Variants in CABLES2 observed in about 807,000 individuals in gnomAD.
The protein encoded by CABLES2 is CDK5 and ABL1 enzyme substrate 2.
In CABLES2, 35 loss-of-function variants were observed where a neutral mutation model predicts 44.8. That is an observed-to-expected ratio of 0.78 (90% confidence interval 0.60 to 1.04). The LOEUF (loss-of-function observed/expected upper bound fraction) is 1.04. CABLES2 is among the 50% of genes least tolerant of loss of function. CABLES2 has a pLI of 0.00. For missense variants in CABLES2, 566 were observed against 615.7 expected (o/e 0.92, Z 0.85); for synonymous variants, 282 against 281.1 (o/e 1.00, Z -0.03).
chr20:62,395,269 A>G (rs1987996871), intron 3 of CABLES2, among the ~76,000 whole-genome samples: 1 of 152,006 alleles, frequency 6.6e-6, no homozygotes, highest in Admixed American at 6.5e-5. Context: ...ACGCCGCTGC[A>G]CGTGGGCAGG....
intron 4 of CABLES2, among the ~76,000 whole-genome samples, chr20:62,394,641 G>A (rs981532197): frequency 1.3e-5 from 2 of 152,132 alleles, no homozygotes; most frequent in Admixed American, 6.5e-5. Context: ...GCACGGATAC[G>A]ACTGCCTGGA....
At position 62,390,154 on chromosome 20, in the gene CABLES2, G is replaced by A. The variant is rs1247125244; in HGVS notation, c.*817C>T. On this transcript the variant is annotated 3_prime_UTR_variant, in exon 10 of 10. Transcript: ENST00000279101. ...AAATAAGAGCCGGCAAGCAGCAATTGTCCTGGAGGCCCAGAGTGTCTCCTG... is the reference window on the plus strand; with the variant it reads ...AAATAAGAGCCGGCAAGCAGCAATTATCCTGGAGGCCCAGAGTGTCTCCTG... 6.6e-6 allele frequency: 1 copy of A among 152,422 alleles called. No homozygotes were observed. The highest frequency in any genetic ancestry group is 1.5e-5 in the Non-Finnish European group (1 of 68,026). The allele number at this position is 152,422 out of a possible 1,614,324, so 9.4% of individuals were successfully genotyped here.
chr20:62,388,773 G>A lies in CABLES2; in HGVS notation c.*2198C>T, dbSNP rs189487904. 1.3e-5 allele frequency: 6 copies of A among 458,330 alleles called. No individual in the cohort carries two copies. Among genetic ancestry groups the A allele is most frequent in the Admixed American group, 8.0e-5 (2 of 25,138 alleles). 28.4% of individuals were successfully genotyped at this position (458,330 alleles called of 1,614,324 possible). ...CAACTGCTACCGGTGCGGAAGCAAC[G>A]CCAGGCCTGGTTCTGTATAGTCACA... On this transcript the variant is annotated 3_prime_UTR_variant, in exon 10 of 10. Coordinates refer to ENST00000279101, the MANE Select transcript of CABLES2 (RefSeq NM_031215.3).
intron 1 of CABLES2, among the ~76,000 whole-genome samples, chr20:62,406,292 T>C (rs8119392): frequency 0.18 from 27,659 of 151,810 alleles, 2,747 homozygotes; most frequent in Middle Eastern, 0.26. Context: ...GAGGTGGGCA[T>C]GGACGGTGTG....
At chr20:62,393,099 C>T (rs1051077959) in intron 6 of CABLES2, 76 bp from the exon 7 acceptor site, 33 of 1,362,338 alleles carry the variant, frequency 2.4e-5, no homozygotes, top group Non-Finnish European at 2.8e-5. Context: ...GGCAGGCCAG[C>T]GCCATGGCGG....
intron 5 of CABLES2, among the ~76,000 whole-genome samples, 186 bp from the exon 6 acceptor site, chr20:62,393,791 T>C (rs112900216): frequency 6.6e-6 from 1 of 152,192 alleles, no homozygotes; most frequent in African/African-American, 2.4e-5. Flanking sequence ...GCTAGAACAT[T>C]CCGGAACACT....
rs138669550 is a variant in CABLES2, at chr20:62,394,969, C to T, written c.573G>A (p.Ser191=). The change falls in exon 4 of 10, where the codon TCG becomes TCA. Residue 191 remains serine, a synonymous_variant. Transcript: ENST00000279101. ...GCAGGCCTTCCCCATAGGGCAGGAC[C>T]GAGAAGGCCGCGCACAGGGACCGCT... The part of the protein sequence containing the change: ...CAKRSLCAAF[S]VLPYGEGLRI... 1,885 of 1,612,948 alleles carry T rather than the reference C, an allele frequency of 1.2e-3. 22 individuals carry two copies. In the African/African-American group the frequency reaches 0.021, roughly 18 times the overall value.
rs201011734 is a variant in CABLES2, at chr20:62,393,531, C to T, written c.789G>A (p.Leu263=). 3.7e-4 allele frequency: 598 copies of T among 1,613,366 alleles called. No individual in the cohort carries two copies. The highest frequency in any genetic ancestry group is 1.3e-3 in the Admixed American group (77 of 59,924). ...VTHKSDSHGL[L]PTPRPSVPRT... Reference sequence around the variant, plus strand: ...GGGGGACACTGGGCCGAGGTGTGGGCAGCAGGCCATGGCTGTCACTCTTGT... The same window carrying T: ...GGGGGACACTGGGCCGAGGTGTGGGTAGCAGGCCATGGCTGTCACTCTTGT... Residue 263 remains leucine (L), a synonymous_variant, in exon 6 of 10, where the codon CTG becomes CTA. Coordinates refer to ENST00000279101, the MANE Select transcript of CABLES2 (RefSeq NM_031215.3).
In CABLES2 at chr20:62,407,246, C is replaced by T. The variant is rs1271585501; in HGVS notation, c.31G>A (p.Gly11Ser). 6 of 765,166 alleles carry T rather than the reference C, an allele frequency of 7.8e-6. No homozygotes were observed. The highest frequency in any genetic ancestry group is 6.5e-5 in the Admixed American group (1 of 15,410). The allele number at this position is 765,166 out of a possible 1,614,324, so 47.4% of individuals were successfully genotyped here. The change falls in exon 1 of 10, where the codon GGC (glycine) becomes AGC (serine). Residue 11 changes from glycine to serine, a missense_variant. Around this residue, in one of 2 missense-constraint regions of CABLES2, gnomAD observed 130 missense variants for 79.4 expected, o/e 1.64. Coordinates refer to ENST00000279101, the MANE Select transcript of CABLES2 (RefSeq NM_031215.3). MAAAAAGGAPGPAPGPAGPPP... is the reference protein window; with the variant it reads MAAAAAGGAPSPAPGPAGPPP... ...GGCCCGGCGGGGCCGGGGGCCGGGC[C>T]CGGGGCTCCACCGGCCGCGGCCGCG... is the stretch of plus-strand genomic sequence containing the variant.
intron 1 of CABLES2, among the ~76,000 whole-genome samples, chr20:62,406,180 G>C (rs1409137308): frequency 6.6e-6 from 1 of 152,236 alleles, no homozygotes; most frequent in African/African-American, 2.4e-5. Context: ...GGGTGCCAGA[G>C]ACCAGTGGCT....
At position 62,391,753 on chromosome 20, in the gene CABLES2, G is replaced by T. The variant is rs993933982; in HGVS notation, c.1092-300C>A. 3.9e-5 allele frequency among the ~76,000 whole-genome samples: 6 copies of T among 151,906 alleles called. No individual in the cohort carries two copies. The highest frequency in any genetic ancestry group is 8.8e-5 in the Non-Finnish European group (6 of 67,962). On this transcript the variant is annotated intron_variant, in intron 8 of 9. Transcript: ENST00000279101. This position sits in a 1 kb window ranked among gnomAD's most constrained non-coding sequence, Gnocchi z 5.7. ...AGGACAGGCTCTGCTCTCGGTGGGGGGCAGTGGTCTCTGATGAGGGGTGGT... is the reference window on the plus strand; with the variant it reads ...AGGACAGGCTCTGCTCTCGGTGGGGTGCAGTGGTCTCTGATGAGGGGTGGT...
At position 62,396,410 on chromosome 20, in the gene CABLES2, G is replaced by A; in HGVS notation, c.435-3C>T. The A allele has an allele frequency of 6.2e-7, 1 of 1,613,924 alleles. No individual in the cohort carries two copies. The highest frequency in any genetic ancestry group is 2.2e-5 in the East Asian group (1 of 44,860). The stretch of plus-strand genomic sequence containing the variant: ...GTGATCCAGATGTGTGTTTGGTTCT[G>A]CAAGGCAAAGGACACAGGTCACTCT... On this transcript the variant is annotated splice_polypyrimidine_tract_variant and splice_region_variant and intron_variant, in intron 2 of 9. Coordinates refer to ENST00000279101, the MANE Select transcript of CABLES2 (RefSeq NM_031215.3). The surrounding 1 kb of genome is among the most constrained non-coding windows in gnomAD (Gnocchi z 5.7).
intron 7 of CABLES2, 36 bp downstream of exon 7, chr20:62,392,884 G>A (rs1987945365): frequency 1.3e-6 from 2 of 1,577,388 alleles, no homozygotes; most frequent in Non-Finnish European, 8.7e-7. Context: ...CAGGTGTGCA[G>A]CTGCCTGCAC....
rs1988033217 is a variant in CABLES2 at position 62,396,993 on chromosome 20, C to T, written c.363-401G>A. ...GCTGCCTGAGACTGGTGCTGCCTGC[C>T]CCTCCCTGAAGCACAGCTGGGCATT... On this transcript the variant is annotated intron_variant, in intron 1 of 9. Transcript: ENST00000279101. This position sits in a 1 kb window ranked among gnomAD's most constrained non-coding sequence, Gnocchi z 5.7. 6.6e-6 allele frequency among the ~76,000 whole-genome samples: 1 copy of T among 152,190 alleles called. No individual in the cohort carries two copies. Among genetic ancestry groups the T allele is most frequent in the East Asian group, 1.9e-4 (1 of 5,180 alleles).
rs1420152344 is a variant in CABLES2, at chr20:62,398,076, G to GAGGTGGTGGTGATGGTGGTGGTGGCGA, written c.363-1485_363-1484insTCGCCACCACCACCATCACCACCACCT. Reference sequence around the variant, plus strand: ...GATGGCGATGGTGGTGGTGACGGTGGTGGTGGTGGTGACGGTGGTGGTGGT... The same window carrying GAGGTGGTGGTGATGGTGGTGGTGGCGA: ...GATGGCGATGGTGGTGGTGACGGTGGAGGTGGTGGTGATGGTGGTGGTGGCGATGGTGGTGGTGACGGTGGTGGTGGT... On this transcript the variant is annotated intron_variant, in intron 1 of 9. Transcript: ENST00000279101. Among the ~76,000 whole-genome samples, 3 of 38,988 alleles carry GAGGTGGTGGTGATGGTGGTGGTGGCGA rather than the reference G, an allele frequency of 7.7e-5. No homozygotes were observed. In the East Asian group the frequency reaches 3.0e-3, roughly 39 times the overall value. 25.6% of individuals were successfully genotyped at this position (38,988 alleles called of 152,430 possible).
At chr20:62,394,422 C>T (rs1004652462) in intron 4 of CABLES2, among the ~76,000 whole-genome samples, 157 bp from the exon 5 acceptor site, 3 of 152,130 alleles carry the variant, frequency 2.0e-5, no homozygotes, top group South Asian at 2.1e-4. Context: ...GGAAGGCGCA[C>T]GTCAGGAGTG....
intron 1 of CABLES2, among the ~76,000 whole-genome samples, chr20:62,399,157 C>T (rs1026261973): frequency 6.6e-6 from 1 of 152,242 alleles, no homozygotes; most frequent in African/African-American, 2.4e-5. Context: ...ACCATATTGG[C>T]CAGTCTGGTC....
At chr20:62,395,487 G>A (rs1988001493) in intron 3 of CABLES2, among the ~76,000 whole-genome samples, 1 of 152,242 alleles carries the variant, frequency 6.6e-6, no homozygotes, top group Admixed American at 6.5e-5. Context: ...GGTCCACAGA[G>A]AGGCTGGCCT....
chr20:62,391,462 T>A lies in CABLES2; in HGVS notation c.1092-9A>T. On this transcript the variant is annotated splice_polypyrimidine_tract_variant and intron_variant, in intron 8 of 9. Coordinates refer to ENST00000279101, the MANE Select transcript of CABLES2 (RefSeq NM_031215.3). The surrounding 1 kb of genome is among the most constrained non-coding windows in gnomAD (Gnocchi z 5.7). ...GCATCTCCCGCTTTAAGCTGTGGGT[T>A]AAGACAGAAGCCATGTCCCTGGGGG... The A allele has an allele frequency of 6.2e-7, 1 of 1,612,288 alleles. No homozygotes were observed. The highest frequency in any genetic ancestry group is 8.5e-7 in the Non-Finnish European group (1 of 1,179,410).
Sources: allele counts gnomAD v4.1 joint callset (sites outside exome capture counted in the v4.1 genomes callset), GRCh38; gene constraint gnomAD v4.1.1; regional missense constraint gnomAD v4.1.1; non-coding constraint Gnocchi (gnomAD v3.1); transcripts MANE v1.5; gene names NCBI Gene and HGNC (gene_info 2026-07-23, HGNC 2026-07-21).